The following FAF1 variants were observed in gnomAD, a reference collection of about 807,000 sequenced individuals.
FAF1 encodes Fas associated factor 1, also known as FAS-associated factor 1.
FAF1 carries 25 observed loss-of-function variants against 92.5 expected under a neutral mutation model. The ratio of observed to expected loss-of-function variants is 0.27; its 90% CI spans 0.20 to 0.38. The LOEUF (loss-of-function observed/expected upper bound fraction) is 0.38, where lower values mean the gene tolerates loss of function less well. FAF1 is among the 10% of genes least tolerant of loss of function. The pLI is 1.00. For synonymous variants in FAF1, 234 were observed against 273.2 expected (o/e 0.86, Z 1.42); for missense variants, 636 against 793.3 (o/e 0.80, Z 2.38).
At chr1:50,448,442 A>G (rs1216903128) in intron 18 of FAF1, among the ~76,000 whole-genome samples, 1 of 152,092 alleles carries the variant, frequency 6.6e-6, no homozygotes, top group Non-Finnish European at 1.5e-5. Flanking sequence ...TGGGGGAAGT[A>G]TTTATTTCAC....
chr1:50,746,000 G>A (rs2124498361), intron 4 of FAF1, among the ~76,000 whole-genome samples: 1 of 151,944 alleles, frequency 6.6e-6, no homozygotes, highest in South Asian at 2.1e-4. Flanking sequence ...TCCAGGCTGA[G>A]GAGAGCTCAG....
At chr1:50,700,462 A>G (rs1657419944) in intron 7 of FAF1, among the ~76,000 whole-genome samples, 1 of 152,164 alleles carries the variant, frequency 6.6e-6, no homozygotes, top group African/African-American at 2.4e-5. Flanking sequence ...CTTTGAATAG[A>G]ATGAAGCAAG....
In FAF1 at chr1:50,826,892, G is replaced by A. The variant is rs1045088622; in HGVS notation, c.115-25215C>T. Among the ~76,000 whole-genome samples, 3 of 151,900 alleles carry A rather than the reference G, an allele frequency of 2.0e-5. No individual in the cohort carries two copies. In the South Asian group the frequency reaches 6.2e-4, roughly 32 times the overall value. On this transcript the variant is annotated intron_variant, in intron 2 of 18. Coordinates refer to ENST00000396153, the MANE Select transcript of FAF1 (RefSeq NM_007051.3). ...TTCCAGACACCGTCTGGGAAGTGAG[G>A]AGCGCCTCTGCCCAGCCGCCCCGTC...
intron 2 of FAF1, among the ~76,000 whole-genome samples, chr1:50,828,426 G>A (rs900829688): frequency 1.3e-5 from 2 of 152,078 alleles, no homozygotes; most frequent in South Asian, 2.1e-4. Context: ...CCGCCACCAC[G>A]TCCGGCTAAT....
chr1:50,735,759 A>T (rs1271046282), intron 6 of FAF1, among the ~76,000 whole-genome samples: 1 of 152,090 alleles, frequency 6.6e-6, no homozygotes, highest in Non-Finnish European at 1.5e-5. Flanking sequence ...TCTACTGCCC[A>T]GGCTTAAAGT....
At chr1:50,921,892 C>T (rs1033650717) in intron 1 of FAF1, among the ~76,000 whole-genome samples, 3 of 152,142 alleles carry the variant, frequency 2.0e-5, no homozygotes, top group South Asian at 2.1e-4. Context: ...AATGGCCAGA[C>T]GTGATGGCTC....
In FAF1 at chr1:50,535,455, T is replaced by C; in HGVS notation, c.1408A>G (p.Asn470Asp). Reference sequence around the variant, plus strand: ...ATCATTAACTCATCTACTGTTGTGTTCCCTAAAAACATATAGAGATTGCCA... The same window carrying C: ...ATCATTAACTCATCTACTGTTGTGTCCCCTAAAAACATATAGAGATTGCCA... ...SNEVLNVIQG[N>D]TTVDELMMRL... Residue 470 changes from asparagine to aspartate, a missense_variant and splice_region_variant, in exon 15 of 19, where the codon AAC (asparagine) becomes GAC (aspartate). Physicochemically the swap from Asn to Asp is conservative, Grantham distance 23. Around this residue, in one of 2 missense-constraint regions of FAF1, gnomAD observed 319 missense variants for 451.0 expected, o/e 0.71. Coordinates refer to ENST00000396153, the MANE Select transcript of FAF1 (RefSeq NM_007051.3). 6.2e-7 allele frequency: 1 copy of C among 1,600,206 alleles called. No homozygotes were observed.
intron 7 of FAF1, among the ~76,000 whole-genome samples, chr1:50,669,182 C>A (rs1211225715): frequency 6.6e-6 from 1 of 152,124 alleles, no homozygotes; most frequent in Non-Finnish European, 1.5e-5. Context: ...GTTGGGGATG[C>A]CCTCAAGTAT....
chr1:50,883,017 T>G (rs1221448239), intron 1 of FAF1, among the ~76,000 whole-genome samples: 3 of 151,198 alleles, frequency 2.0e-5, no homozygotes, highest in Non-Finnish European at 4.4e-5. Context: ...GTTAATGCAT[T>G]GATTTTGAAA....
At chr1:50,760,749 T>C (rs867400395) in intron 4 of FAF1, among the ~76,000 whole-genome samples, 1 of 151,830 alleles carries the variant, frequency 6.6e-6, no homozygotes, top group Non-Finnish European at 1.5e-5. Context: ...AGATCCAAAA[T>C]TGACACCCTA....
intron 6 of FAF1, among the ~76,000 whole-genome samples, chr1:50,724,610 C>A (rs1209911163): frequency 6.6e-6 from 1 of 152,188 alleles, no homozygotes; most frequent in Non-Finnish European, 1.5e-5. Context: ...TGATGATTCT[C>A]CCCACAAGGG....
chr1:50,828,490 C>T (rs1265248714), intron 2 of FAF1, among the ~76,000 whole-genome samples: 2 of 151,990 alleles, frequency 1.3e-5, no homozygotes, highest in Non-Finnish European at 2.9e-5. Context: ...AGGATGTTTT[C>T]GATCTCCTGA....
intron 6 of FAF1, among the ~76,000 whole-genome samples, chr1:50,717,335 T>C (rs1355029318): frequency 2.6e-5 from 4 of 152,162 alleles, no homozygotes; most frequent in Non-Finnish European, 5.9e-5. Context: ...CAATTAGTGT[T>C]CTTATAAGAA....
intron 7 of FAF1, among the ~76,000 whole-genome samples, chr1:50,662,683 C>CTTTTTTTTTTTT (rs58193277): frequency 1.3e-5 from 1 of 77,578 alleles, no homozygotes; most frequent in Admixed American, 2.3e-4. Flanking sequence ...GAATTTGTAT[C>CTTTTTTTTTTTT]TTTTTTTTTT....
In FAF1 at chr1:50,815,364, A is replaced by G. The variant is rs542054684; in HGVS notation, c.115-13687T>C. ...TAATTCGCTTAGGATTATGGCCTCC[A>G]GCTGCATCCATGTTACTGTAAAGGA... On this transcript the variant is annotated intron_variant, in intron 2 of 18. Transcript: ENST00000396153. 7.2e-5 allele frequency among the ~76,000 whole-genome samples: 11 copies of G among 152,344 alleles called. No individual in the cohort carries two copies. In the South Asian group the frequency reaches 2.3e-3, roughly 32 times the overall value.
chr1:50,504,967 C>A (rs981763334), intron 15 of FAF1, among the ~76,000 whole-genome samples: 1 of 152,154 alleles, frequency 6.6e-6, no homozygotes, highest in African/African-American at 2.4e-5. Flanking sequence ...CCAGGTGACT[C>A]CTATCATATG....
At chr1:50,581,543 C>T (rs1005721396) in intron 12 of FAF1, among the ~76,000 whole-genome samples, 3 of 151,932 alleles carry the variant, frequency 2.0e-5, no homozygotes, top group Non-Finnish European at 4.4e-5. Flanking sequence ...AAGGATAGTC[C>T]CTGCCAAAAG....
chr1:50,621,548 C>T (rs190699088), intron 8 of FAF1, among the ~76,000 whole-genome samples: 1 of 151,594 alleles, frequency 6.6e-6, no homozygotes, highest in Admixed American at 6.6e-5. Context: ...TACAGGGGCG[C>T]ACCACCACAC....
intron 1 of FAF1, among the ~76,000 whole-genome samples, chr1:50,860,463 A>G (rs1644423214): frequency 6.6e-6 from 1 of 152,028 alleles, no homozygotes; most frequent in African/African-American, 2.4e-5. Flanking sequence ...CACTTCTCAA[A>G]AGAAGACGTA....
Sources: allele counts gnomAD v4.1 joint callset (sites outside exome capture counted in the v4.1 genomes callset), GRCh38; gene constraint gnomAD v4.1.1; regional missense constraint gnomAD v4.1.1; transcripts MANE v1.5; gene names NCBI Gene and HGNC (gene_info 2026-07-23, HGNC 2026-07-21).